The following ARSG variants were observed in gnomAD, a reference collection of about 807,000 sequenced individuals.
ARSG encodes ASG.
ARSG carries 37 observed loss-of-function variants against 50.5 expected under a neutral mutation model. That is an observed-to-expected ratio of 0.73 (90% CI 0.56 to 0.96). The LOEUF is 0.96. ARSG is among the 50% of genes least tolerant of loss of function. The pLI is 0.00. For missense variants in ARSG, 629 were observed against 675.3 expected, an observed-to-expected ratio of 0.93 and a Z score of 0.76; for synonymous variants, 225 against 254.6, an observed-to-expected ratio of 0.88 and a Z score of 1.11.
chr17:68,424,842 A>G (rs988166234), downstream of ARSG, among the ~76,000 whole-genome samples: 11 of 152,200 alleles, frequency 7.2e-5, no homozygotes, highest in Non-Finnish European at 1.2e-4. Flanking sequence ...ACACCACTGC[A>G]CTCCAGCCTG....
At chr17:68,429,010 C>A in the ARSG span, 2 of 1,132,870 alleles carry the variant, frequency 1.8e-6, no homozygotes, top group Non-Finnish European at 1.3e-6. Flanking sequence ...TGACAAAGCC[C>A]CCCTCACCCT....
In ARSG at chr17:68,351,649, C is replaced by G. The variant is rs150020444; in HGVS notation, c.529C>G (p.Pro177Ala). 1 of 1,613,894 alleles carries G rather than the reference C, an allele frequency of 6.2e-7. No homozygotes were observed. The highest frequency in any genetic ancestry group is 8.5e-7 in the Non-Finnish European group (1 of 1,179,822). ...TGATACTCCAGGCTACAACCACCCT[C>G]CTTGTCCAGCGTGTCCACAGGGTGA... Reference protein sequence around the residue: ...CTDTPGYNHPPCPACPQGDGP... With the variant: ...CTDTPGYNHPACPACPQGDGP... Residue 177 changes from proline to alanine, a missense_variant, in exon 5 of 12, where the codon CCT (proline) becomes GCT (alanine). Physicochemically the swap from Pro to Ala is conservative, Grantham distance 27 (BLOSUM62 -1). Coordinates refer to ENST00000621439, the MANE Select transcript of ARSG (RefSeq NM_001267727.2).
At position 68,366,619 on chromosome 17, in the gene ARSG, G is replaced by C. The variant is rs185652333; in HGVS notation, c.705-1929G>C. Among the ~76,000 whole-genome samples, 526 of 152,188 alleles carry C rather than the reference G, an allele frequency of 3.5e-3. 8 individuals carry two copies. The highest frequency in any genetic ancestry group is 3.1e-3 in the Non-Finnish European group (214 of 68,016). ...GTTTTCTATCTGCACTGTCCAAGCT[G>C]CTAGCCTCTAGCCACCTGCTGCTGC... On this transcript the variant is annotated intron_variant, in intron 6 of 11. Coordinates refer to ENST00000621439, the MANE Select transcript of ARSG (RefSeq NM_001267727.2).
intron 1 of ARSG, among the ~76,000 whole-genome samples, chr17:68,292,466 C>T (rs375420014): frequency 6.1e-4 from 93 of 152,348 alleles, no homozygotes; most frequent in African/African-American, 2.1e-3. Context: ...GGGGCGCAAA[C>T]TTAGCTTCTT....
At chr17:68,401,175 A>G in intron 10 of ARSG, 185 bp from the exon 11 acceptor site, 1 of 581,818 alleles carries the variant, frequency 1.7e-6, no homozygotes, top group Non-Finnish European at 3.1e-6. Flanking sequence ...GGTGTGCACC[A>G]CCATGCCTGG....
At chr17:68,310,172 C>T (rs1379422291) in intron 2 of ARSG, among the ~76,000 whole-genome samples, 1 of 152,028 alleles carries the variant, frequency 6.6e-6, no homozygotes, top group Non-Finnish European at 1.5e-5. Flanking sequence ...GTTGGTTAGT[C>T]TGGTCTCAAA....
chr17:68,292,030 C>T lies in ARSG; in HGVS notation c.-552+462C>T, dbSNP rs534933651. 4.9e-4 allele frequency among the ~76,000 whole-genome samples: 75 copies of T among 152,220 alleles called. No individual in the cohort carries two copies. The South Asian group carries it at 0.014, about 29-fold the overall frequency. On this transcript the variant is annotated intron_variant, in intron 1 of 11. Transcript: ENST00000621439. ...CAGCGCCCACTTCCCCCAGTTTCGT[C>T]AACTCGCGCACCCCCACAGTTCCCC... is the stretch of plus-strand genomic sequence containing the variant.
Position 68,367,030 on chromosome 17 carries a change from T to A in ARSG, c.705-1518T>A, listed in dbSNP as rs187448885. On this transcript the variant is annotated intron_variant, in intron 6 of 11. Coordinates refer to ENST00000621439, the MANE Select transcript of ARSG (RefSeq NM_001267727.2). This position sits in a 1 kb window ranked among gnomAD's most constrained non-coding sequence, Gnocchi z 4.5. ...GACTGGATTATTTCACTTAGCATAA[T>A]ATTTTCCGGGTCCACCCATGTGCTA... is the stretch of plus-strand genomic sequence containing the variant. Among the ~76,000 whole-genome samples the A allele has an allele frequency of 1.9e-4, 29 of 152,348 alleles. No individual in the cohort carries two copies. The highest frequency in any genetic ancestry group is 5.9e-4 in the Admixed American group (9 of 15,304).
chr17:68,379,305 A>G (rs1475814693), intron 8 of ARSG, among the ~76,000 whole-genome samples: 3 of 151,438 alleles, frequency 2.0e-5, no homozygotes, highest in Non-Finnish European at 4.4e-5. Context: ...CAGTGGTCTG[A>G]TCATGGCTCA....
chr17:68,404,229 T>C (rs1244605241), intron 11 of ARSG, among the ~76,000 whole-genome samples: 1 of 152,196 alleles, frequency 6.6e-6, no homozygotes, highest in East Asian at 1.9e-4. Flanking sequence ...TACCCAGTAA[T>C]GGGATGGCTG....
chr17:68,429,043 T>C, the ARSG span: 42 of 804,992 alleles, frequency 5.2e-5, no homozygotes, highest in East Asian at 1.1e-3. Context: ...ATTCTGCCTT[T>C]GACAAACCCT....
At chr17:68,379,249 T>A (rs1396433078) in intron 8 of ARSG, among the ~76,000 whole-genome samples, 1 of 151,838 alleles carries the variant, frequency 6.6e-6, no homozygotes, top group Non-Finnish European at 1.5e-5. Flanking sequence ...TTCTTTATTT[T>A]ATTTTTGTAG....
At chr17:68,299,979 C>T (rs536884486) in intron 1 of ARSG, among the ~76,000 whole-genome samples, 2 of 147,186 alleles carry the variant, frequency 1.4e-5, no homozygotes, top group South Asian at 2.1e-4. Flanking sequence ...TGCTCTGTTG[C>T]CCAGGCTGGA....
chr17:68,357,479 G>A (rs1048964522), intron 6 of ARSG, among the ~76,000 whole-genome samples: 1 of 152,126 alleles, frequency 6.6e-6, no homozygotes, highest in South Asian at 2.1e-4. Flanking sequence ...TTGTGATGGC[G>A]TTTAGGGTCC....
intron 2 of ARSG, among the ~76,000 whole-genome samples, chr17:68,308,645 G>C (rs2074709005): frequency 6.6e-6 from 1 of 152,178 alleles, no homozygotes; most frequent in Admixed American, 6.5e-5. Flanking sequence ...TGCTGGCTCG[G>C]GCAGCCTGCT....
intron 11 of ARSG, among the ~76,000 whole-genome samples, chr17:68,412,854 G>A (rs1046301603): frequency 9.2e-4 from 139 of 151,822 alleles, no homozygotes; most frequent in Middle Eastern, 3.4e-3. Context: ...TTCCCTTCTC[G>A]CTTCATTTCA....
At chr17:68,318,878 T>C (rs782159596) in intron 2 of ARSG, among the ~76,000 whole-genome samples, 1 of 152,200 alleles carries the variant, frequency 6.6e-6, no homozygotes, top group South Asian at 2.1e-4. Context: ...CAGTGAGCAA[T>C]GAATTGAGCT....
downstream of ARSG, among the ~76,000 whole-genome samples, chr17:68,425,070 G>A (rs1355248120): frequency 6.6e-6 from 1 of 152,176 alleles, no homozygotes; most frequent in Non-Finnish European, 1.5e-5. Flanking sequence ...GATGGAAGAA[G>A]CCACGCCCAG....
chr17:68,394,958 C>A, intron 9 of ARSG, 115 bp from the exon 10 acceptor site: 1 of 1,463,526 alleles, frequency 6.8e-7, no homozygotes, highest in Non-Finnish European at 9.3e-7. Flanking sequence ...TTAAGCCAGC[C>A]CATAGGAGAG....
Sources: gnomAD v4.1 joint callset for allele counts (sites outside exome capture counted in the v4.1 genomes callset) on GRCh38, gnomAD v4.1.1 for gene constraint, Gnocchi (gnomAD v3.1) non-coding constraint, MANE v1.5 for transcripts, NCBI Gene and HGNC (gene_info 2026-07-23, HGNC 2026-07-21) for gene names.